The following BPI variants were observed in gnomAD, a reference collection of about 807,000 sequenced individuals.
BPI encodes the protein bactericidal permeability-increasing protein.
In BPI, 48 loss-of-function variants were observed where a neutral mutation model predicts 57.6. The observed-to-expected ratio is 0.83, with a 90% CI of 0.66 to 1.06. BPI has a LOEUF of 1.06. BPI is among the 50% of genes least tolerant of loss of function. BPI has a pLI of 0.00. For synonymous variants in BPI, 237 were observed against 238.2 expected, an observed-to-expected ratio of 0.99 and a Z score of 0.05; for missense variants, 651 against 609.7, an observed-to-expected ratio of 1.07 and a Z score of -0.71.
At chr20:38,324,697 C>T (rs778210166) in intron 8 of BPI, 77 bp from the exon 9 acceptor site, 91 of 1,241,130 alleles carry the variant, frequency 7.3e-5, no homozygotes, top group Non-Finnish European at 1.0e-4. Context: ...CAGCCTCTCA[C>T]CCCGATACAG....
rs758217676 is a variant in BPI, at chr20:38,304,275, G to T, written c.52G>T (p.Val18Phe). The T allele has an allele frequency of 2.5e-6, 4 of 1,614,130 alleles. No individual in the cohort carries two copies. The African/African-American group carries it at 4.0e-5, about 16-fold the overall frequency. Residue 18 changes from valine to phenylalanine, a missense_variant, in exon 1 of 15, where the codon GTC becomes TTC. Transcript: ENST00000642449. The stretch of plus-strand genomic sequence containing the variant: ...GAGATGGGCGTCCCTGATGGTGCTG[G>T]TCGCCATAGGCACCGCCGTGACAGC... ...APRWASLMVLVAIGTAVTAAV... is the reference protein window; with the variant it reads ...APRWASLMVLFAIGTAVTAAV...
At chr20:38,317,121 G>A (rs1262699029) in intron 5 of BPI, among the ~76,000 whole-genome samples, 1 of 152,162 alleles carries the variant, frequency 6.6e-6, no homozygotes, top group Non-Finnish European at 1.5e-5. Flanking sequence ...AGAGACTGCT[G>A]GATTACTGAG....
intron 3 of BPI, 30 bp downstream of exon 3, chr20:38,309,088 T>G (rs1352068178): frequency 6.2e-7 from 1 of 1,613,584 alleles, no homozygotes; most frequent in Admixed American, 1.7e-5. Context: ...GTTTGTTGGG[T>G]GTGCTCTTGG....
At chr20:38,317,399 A>C (rs981359290) in intron 5 of BPI, among the ~76,000 whole-genome samples, 3 of 152,158 alleles carry the variant, frequency 2.0e-5, no homozygotes, top group Non-Finnish European at 2.9e-5. Flanking sequence ...ACCTCAGAAG[A>C]CTCAAAAGTT....
chr20:38,310,756 G>A, intron 4 of BPI, 104 bp downstream of exon 4: 1 of 1,460,120 alleles, frequency 6.8e-7, no homozygotes, highest in Non-Finnish European at 9.3e-7. Flanking sequence ...CTGCATGCCA[G>A]GCCTTGCTCA....
chr20:38,309,281 T>C (rs1600698423), intron 3 of BPI, among the ~76,000 whole-genome samples: 1 of 152,342 alleles, frequency 6.6e-6, no homozygotes, highest in East Asian at 1.9e-4. Flanking sequence ...GAGGCTGAGT[T>C]GGTGTATGTG....
chr20:38,333,989 A>G (rs927504012), intron 12 of BPI, among the ~76,000 whole-genome samples: 1 of 151,328 alleles, frequency 6.6e-6, no homozygotes, highest in Non-Finnish European at 1.5e-5. Context: ...TGTTACAGTC[A>G]TGAACCACCA....
At position 38,327,664 on chromosome 20, in the gene BPI, G is replaced by A. The variant is rs563848454; in HGVS notation, c.1229+9G>A. 9.4e-5 allele frequency: 152 copies of A among 1,613,208 alleles called. No individual in the cohort carries two copies. Among genetic ancestry groups the A allele is most frequent in the East Asian group, 7.6e-4 (34 of 44,870 alleles). ...GAGCTCAAGCTGGATAGGTAAGTGG[G>A]CCTGTGAGAGGAGGAGGGGGCTGCC... On this transcript the variant is annotated intron_variant, in intron 11 of 14. Transcript: ENST00000642449.
At chr20:38,325,557 A>G (rs2076708371) in intron 9 of BPI, among the ~76,000 whole-genome samples, 1 of 152,318 alleles carries the variant, frequency 6.6e-6, no homozygotes, top group East Asian at 1.9e-4. Context: ...TCAGGGCCCA[A>G]CTGTTATGAA....
At chr20:38,330,713 C>T (rs923368944) in intron 11 of BPI, among the ~76,000 whole-genome samples, 1 of 152,166 alleles carries the variant, frequency 6.6e-6, no homozygotes, top group African/African-American at 2.4e-5. Context: ...ACCTTATTCC[C>T]AATATTCCCA....
At chr20:38,319,372 C>A (rs976530385) in intron 6 of BPI, among the ~76,000 whole-genome samples, 2 of 152,220 alleles carry the variant, frequency 1.3e-5, no homozygotes, top group Non-Finnish European at 2.9e-5. Context: ...TCCTTCACTC[C>A]AGAGCCTGGG....
intron 6 of BPI, 73 bp from the exon 7 acceptor site, chr20:38,320,110 T>A: frequency 2.4e-6 from 3 of 1,270,880 alleles, no homozygotes. Flanking sequence ...TTTAGGGGAT[T>A]CTGATCCTGC....
intron 14 of BPI, among the ~76,000 whole-genome samples, chr20:38,336,733 G>A (rs1329865143): frequency 2.6e-5 from 4 of 151,962 alleles, no homozygotes; most frequent in African/African-American, 7.2e-5. Context: ...TACCAAGTTC[G>A]TGTTTTAAAA....
At chr20:38,304,871 A>G (rs1282755632) in intron 1 of BPI, among the ~76,000 whole-genome samples, 1 of 151,630 alleles carries the variant, frequency 6.6e-6, no homozygotes, top group Non-Finnish European at 1.5e-5. Flanking sequence ...AGAGGAGAGA[A>G]AGACCTGCTC....
chr20:38,323,682 G>A lies in BPI; in HGVS notation c.757-188G>A, dbSNP rs555167818. 1.7e-4 allele frequency among the ~76,000 whole-genome samples: 26 copies of A among 152,304 alleles called. No individual in the cohort carries two copies. In the South Asian group the frequency reaches 5.2e-3, roughly 30 times the overall value. ...GAGCATAATTATACCTGCCTTCCCA[G>A]GACTGGCATGAAAGGCACTTAGAAA... On this transcript the variant is annotated intron_variant, in intron 7 of 14. Coordinates refer to ENST00000642449, the MANE Select transcript of BPI (RefSeq NM_001725.3).
chr20:38,325,357 C>T (rs1019947246), intron 9 of BPI, among the ~76,000 whole-genome samples: 1 of 152,222 alleles, frequency 6.6e-6, no homozygotes, highest in African/African-American at 2.4e-5. Context: ...ATTTATTTCT[C>T]ATAGCTCTCG....
At chr20:38,305,095 C>T (rs1314755556) in intron 1 of BPI, among the ~76,000 whole-genome samples, 2 of 152,202 alleles carry the variant, frequency 1.3e-5, no homozygotes, top group Non-Finnish European at 2.9e-5. Context: ...CAGTGGGTGA[C>T]ACCCAGCCCC....
At chr20:38,330,924 G>C (rs1600713359) in intron 11 of BPI, 124 bp from the exon 12 acceptor site, 2 of 1,084,910 alleles carry the variant, frequency 1.8e-6, no homozygotes, top group African/African-American at 3.1e-5. Flanking sequence ...CCGTGGAAGG[G>C]GAGTGGATAC....
intron 7 of BPI, chr20:38,321,764 A>C (rs2076686971): frequency 6.6e-6 from 1 of 152,040 alleles, no homozygotes; most frequent in East Asian, 1.9e-4. Context: ...CGAGTCTACA[A>C]CCTAGAGATA....
Sources: gnomAD v4.1 joint callset for allele counts (sites outside exome capture counted in the v4.1 genomes callset) on GRCh38, gnomAD v4.1.1 for gene constraint, MANE v1.5 for transcripts, NCBI Gene and HGNC (gene_info 2026-07-23, HGNC 2026-07-21) for gene names.